TMEM163: variants seen among roughly 807,000 people sequenced by gnomAD.
TMEM163 encodes transmembrane protein 163.
Under a neutral mutation model 29.3 loss-of-function variants are expected in TMEM163, and 17 were observed. The observed-to-expected ratio is 0.58, with a 90% CI of 0.40 to 0.87. The LOEUF (loss-of-function observed/expected upper bound fraction) is 0.87. TMEM163 is among the 40% of genes least tolerant of loss of function. The probability of loss-of-function intolerance (pLI) is 0.00; values close to 1 mark genes in which losing one functional copy is unlikely to be tolerated. For missense variants in TMEM163, 303 were observed against 381.5 expected, an observed-to-expected ratio of 0.79 and a Z score of 1.71; for synonymous variants, 157 against 160.6, an observed-to-expected ratio of 0.98 and a Z score of 0.17.
intron 5 of TMEM163, among the ~76,000 whole-genome samples, chr2:134,486,234 C>T (rs188537081): frequency 6.6e-6 from 1 of 152,134 alleles, no homozygotes; most frequent in African/African-American, 2.4e-5. Context: ...GAATTAAGTG[C>T]CAACTGCTAA....
intron 4 of TMEM163, among the ~76,000 whole-genome samples, chr2:134,540,058 G>T (rs1257042644): frequency 6.6e-6 from 1 of 152,212 alleles, no homozygotes; most frequent in Non-Finnish European, 1.5e-5. Flanking sequence ...TGACTTCCAG[G>T]TGCAAGTGTC....
chr2:134,484,534 C>T (rs113051188), intron 5 of TMEM163, among the ~76,000 whole-genome samples: 3,172 of 151,906 alleles, frequency 0.021, 101 homozygotes, highest in East Asian at 0.16. Context: ...ATTAGCCAGG[C>T]GTGGTGGCAT....
intron 5 of TMEM163, among the ~76,000 whole-genome samples, chr2:134,489,668 A>G (rs1679386550): frequency 6.6e-6 from 1 of 152,128 alleles, no homozygotes; most frequent in Admixed American, 6.5e-5. Context: ...ATGATTATGT[A>G]TCATATAATA....
intron 2 of TMEM163, among the ~76,000 whole-genome samples, chr2:134,646,699 C>T (rs1006856908): frequency 1.6e-4 from 25 of 152,126 alleles, no homozygotes; most frequent in African/African-American, 6.0e-4. Context: ...CCTGCCTCAG[C>T]CTCCCAAAGT....
intron 5 of TMEM163, among the ~76,000 whole-genome samples, chr2:134,474,745 G>A (rs1211494633): frequency 6.6e-6 from 1 of 151,972 alleles, no homozygotes; most frequent in Non-Finnish European, 1.5e-5. Flanking sequence ...TGGAGTTTTT[G>A]GAAATACTAT....
intron 2 of TMEM163, among the ~76,000 whole-genome samples, chr2:134,605,716 G>A (rs1218292948): frequency 1.3e-5 from 2 of 151,600 alleles, no homozygotes; most frequent in Non-Finnish European, 2.9e-5. Flanking sequence ...GGAAGGAAGA[G>A]GAGGGGAGGG....
At chr2:134,661,992 C>T (rs182019381) in intron 2 of TMEM163, among the ~76,000 whole-genome samples, 5 of 132,000 alleles carry the variant, frequency 3.8e-5, no homozygotes, top group East Asian at 4.3e-4. Flanking sequence ...AGTGCAGTGG[C>T]GCAATCTAGG....
chr2:134,568,723 GA>G (rs148625650), intron 2 of TMEM163, among the ~76,000 whole-genome samples: 5 of 151,764 alleles, frequency 3.3e-5, no homozygotes, highest in Non-Finnish European at 5.9e-5. Context: ...AACAAACAAA[GA>G]AACAAAGAAA....
At chr2:134,525,741 C>A (rs1298877283) in intron 4 of TMEM163, among the ~76,000 whole-genome samples, 1 of 152,152 alleles carries the variant, frequency 6.6e-6, no homozygotes, top group Non-Finnish European at 1.5e-5. Flanking sequence ...CTCCCAAGAC[C>A]AAGGTGGGCA....
chr2:134,689,105 G>A (rs1204328470), intron 2 of TMEM163, among the ~76,000 whole-genome samples: 4 of 137,366 alleles, frequency 2.9e-5, no homozygotes, highest in African/African-American at 1.1e-4. Flanking sequence ...TAAGTTTTTT[G>A]TTTTGTTTTT....
chr2:134,587,669 A>C (rs1056721227), intron 2 of TMEM163, among the ~76,000 whole-genome samples: 4 of 152,226 alleles, frequency 2.6e-5, no homozygotes, highest in African/African-American at 9.6e-5. Flanking sequence ...ATAAGAAAGC[A>C]GTTCCTTAAC....
intron 5 of TMEM163, among the ~76,000 whole-genome samples, chr2:134,495,389 T>C (rs1166541520): frequency 5.3e-5 from 8 of 151,852 alleles, no homozygotes; most frequent in Admixed American, 5.2e-4. Context: ...TAGACAAGGG[T>C]GTGGGGAGAA....
chr2:134,550,820 G>A (rs1052735686), intron 3 of TMEM163, among the ~76,000 whole-genome samples, 159 bp from the exon 4 acceptor site: 13 of 152,224 alleles, frequency 8.5e-5, no homozygotes, highest in African/African-American at 3.1e-4. Flanking sequence ...CTGCCCTCAT[G>A]CCTGGGGCGT....
rs1208805580 is a variant in TMEM163 at position 134,601,664 on chromosome 2, A to G, written c.323-49573T>C. Among the ~76,000 whole-genome samples the G allele has an allele frequency of 2.0e-5, 3 of 152,244 alleles. No individual in the cohort carries two copies. The East Asian group carries it at 5.8e-4, about 29-fold the overall frequency. ...CAAATGCTTATGGAGTGCTTGCTGT[A>G]TGCAGCCGGCACTGTGTGTTCAAGA... On this transcript the variant is annotated intron_variant, in intron 2 of 7. Transcript: ENST00000281924.
chr2:134,607,928 A>C, intron 2 of TMEM163, among the ~76,000 whole-genome samples: 1 of 3,316 alleles, frequency 3.0e-4, no homozygotes. Context: ...GGTGAAAAGG[A>C]CAGACCCCGA....
intron 5 of TMEM163, among the ~76,000 whole-genome samples, chr2:134,473,320 G>A (rs1367273659): frequency 2.0e-5 from 3 of 152,118 alleles, no homozygotes; most frequent in Admixed American, 6.5e-5. Flanking sequence ...TGGATCACTT[G>A]AGGTCAGGAG....
chr2:134,536,344 C>A (rs11895833), intron 4 of TMEM163, among the ~76,000 whole-genome samples: 19,153 of 152,226 alleles, frequency 0.13, 2,214 homozygotes, highest in African/African-American at 0.3. Context: ...TGCTGGAAAT[C>A]TGTGAGACAC....
chr2:134,526,998 T>C (rs1026788414), intron 4 of TMEM163, among the ~76,000 whole-genome samples: 1 of 152,236 alleles, frequency 6.6e-6, no homozygotes, highest in African/African-American at 2.4e-5. Context: ...TAGTCTAAGC[T>C]GTAACCACTC....
intron 4 of TMEM163, among the ~76,000 whole-genome samples, chr2:134,543,510 G>A (rs1680720499): frequency 6.6e-6 from 1 of 152,184 alleles, no homozygotes; most frequent in South Asian, 2.1e-4. Context: ...AACACCCTAC[G>A]GGAAGAAGCG....
Sources: gnomAD v4.1 joint callset for allele counts (sites outside exome capture counted in the v4.1 genomes callset) on GRCh38, gnomAD v4.1.1 for gene constraint, MANE v1.5 for transcripts, NCBI Gene and HGNC (gene_info 2026-07-23, HGNC 2026-07-21) for gene names.